Variants in CDH13 observed in about 807,000 individuals in gnomAD.
The protein encoded by CDH13 is cadherin 13.
A neutral mutation model predicts 63.8 loss-of-function variants in CDH13; 24 were observed. That is an observed-to-expected ratio of 0.38 (90% confidence interval 0.27 to 0.53). The LOEUF (loss-of-function observed/expected upper bound fraction) is 0.53, where lower values mean the gene tolerates loss of function less well. CDH13 is among the 20% of genes least tolerant of loss of function. The pLI is 0.85. For synonymous variants in CDH13, 503 were observed against 355.3 expected, an observed-to-expected ratio of 1.42 and a Z score of -4.67; for missense variants, 1,049 against 903.1, an observed-to-expected ratio of 1.16 and a Z score of -2.07.
chr16:83,526,350 C>T (rs1305314963), intron 7 of CDH13, among the ~76,000 whole-genome samples: 1 of 152,168 alleles, frequency 6.6e-6, no homozygotes, highest in Non-Finnish European at 1.5e-5. Flanking sequence ...CACCAGAAAC[C>T]AGTTTCATGG....
chr16:83,287,530 A>T (rs1024291793), intron 5 of CDH13, among the ~76,000 whole-genome samples: 1 of 152,174 alleles, frequency 6.6e-6, no homozygotes, highest in Non-Finnish European at 1.5e-5. Flanking sequence ...TGTGTGTGCA[A>T]GGGATCTAGG....
At chr16:83,608,484 A>G (rs1282375106) in intron 8 of CDH13, among the ~76,000 whole-genome samples, 2 of 151,750 alleles carry the variant, frequency 1.3e-5, no homozygotes, top group Non-Finnish European at 2.9e-5. Context: ...GGGTATTAGC[A>G]TTTTTTGTTT....
intron 5 of CDH13, among the ~76,000 whole-genome samples, chr16:83,288,189 A>G (rs2089370789): frequency 6.6e-6 from 1 of 152,192 alleles, no homozygotes; most frequent in African/African-American, 2.4e-5. Context: ...GAGATGGTGC[A>G]GAAAGCAAGC....
chr16:83,348,275 C>G (rs1597803420), intron 6 of CDH13, among the ~76,000 whole-genome samples: 1 of 152,130 alleles, frequency 6.6e-6, no homozygotes, highest in African/African-American at 2.4e-5. Context: ...CTTTGCAGGC[C>G]CAGCTGGGGG....
chr16:83,094,116 A>G (rs561794985), intron 3 of CDH13, among the ~76,000 whole-genome samples: 36 of 152,214 alleles, frequency 2.4e-4, no homozygotes, highest in Non-Finnish European at 4.6e-4. Flanking sequence ...TGTTGTAACA[A>G]ATAGTTACAA....
chr16:83,097,011 C>T (rs965980166), intron 3 of CDH13, among the ~76,000 whole-genome samples: 2 of 152,012 alleles, frequency 1.3e-5, no homozygotes, highest in Non-Finnish European at 2.9e-5. Context: ...TTGAGTGTAC[C>T]TCTGGAGAAA....
At chr16:83,543,194 A>G (rs576533049) in intron 7 of CDH13, among the ~76,000 whole-genome samples, 91 of 152,360 alleles carry the variant, frequency 6.0e-4, no homozygotes, top group African/African-American at 2.0e-3. Context: ...AAAGACTTCG[A>G]TATTTTCCTG....
rs952665741 is a variant in CDH13, at chr16:83,163,906, ACAT to A, written c.483+38419_483+38421del. Among the ~76,000 whole-genome samples the A allele has an allele frequency of 6.6e-5, 10 of 152,230 alleles. 1 individual carries two copies. Among genetic ancestry groups the A allele is most frequent in the East Asian group, 3.9e-4 (2 of 5,186 alleles). ...AACCAATAAAACCTCGTCGCTGTCAACATCATCATCATCATCGCAATAATAAAA... is the reference window on the plus strand; with the variant it reads ...AACCAATAAAACCTCGTCGCTGTCAACATCATCATCATCGCAATAATAAAA... On this transcript the variant is annotated intron_variant, in intron 4 of 13. Transcript: ENST00000567109.
chr16:83,071,263 C>T (rs1336876565), intron 3 of CDH13, among the ~76,000 whole-genome samples: 4 of 152,152 alleles, frequency 2.6e-5, no homozygotes, highest in African/African-American at 4.8e-5. Flanking sequence ...TAAGCAAAAG[C>T]CTCCTTCAGC....
chr16:83,421,572 T>C (rs1011607568), intron 6 of CDH13, among the ~76,000 whole-genome samples: 3 of 152,228 alleles, frequency 2.0e-5, no homozygotes, highest in Non-Finnish European at 4.4e-5. Context: ...GGAGAGAAGA[T>C]TCATGATCTT....
At chr16:82,876,743 A>C (rs2040519772) in intron 2 of CDH13, among the ~76,000 whole-genome samples, 1 of 152,196 alleles carries the variant, frequency 6.6e-6, no homozygotes, top group Non-Finnish European at 1.5e-5. Flanking sequence ...TCAAGAGCCC[A>C]CTTTGTGGTC....
chr16:83,564,916 TTTGTTGTTGTTG>T (rs144838175), intron 7 of CDH13, among the ~76,000 whole-genome samples: 1 of 152,032 alleles, frequency 6.6e-6, no homozygotes, highest in Non-Finnish European at 1.5e-5. Context: ...TGTTGTTGGT[TTTGTTGTTGTTG>T]TTGTTGTTTT....
chr16:83,294,809 A>T (rs1386988177), intron 5 of CDH13, among the ~76,000 whole-genome samples: 1 of 152,138 alleles, frequency 6.6e-6, no homozygotes, highest in African/African-American at 2.4e-5. Flanking sequence ...TACTACCCAA[A>T]ATGATCCACA....
At chr16:83,421,110 A>G (rs751216136) in intron 6 of CDH13, among the ~76,000 whole-genome samples, 7 of 152,228 alleles carry the variant, frequency 4.6e-5, no homozygotes, top group Non-Finnish European at 8.8e-5. Flanking sequence ...AGATGAGAAC[A>G]AGGGCTACAT....
intron 5 of CDH13, among the ~76,000 whole-genome samples, chr16:83,236,175 T>C (rs913556477): frequency 2.0e-5 from 3 of 151,974 alleles, no homozygotes; most frequent in Non-Finnish European, 4.4e-5. Flanking sequence ...AGAATAACTT[T>C]TCCAAACTAG....
chr16:83,041,198 C>CA (rs903003658), intron 3 of CDH13, among the ~76,000 whole-genome samples: 16 of 151,892 alleles, frequency 1.1e-4, no homozygotes, highest in African/African-American at 3.6e-4. Flanking sequence ...CAATTAAATG[C>CA]AAAAAAATAT....
chr16:82,813,877 T>G (rs1382325369), intron 1 of CDH13, among the ~76,000 whole-genome samples: 1 of 152,222 alleles, frequency 6.6e-6, no homozygotes, highest in Admixed American at 6.5e-5. Flanking sequence ...TTGTGGGACC[T>G]TGAACAAGTC....
chr16:82,737,303 CTCTT>C (rs2033722303), intron 1 of CDH13, among the ~76,000 whole-genome samples: 1 of 152,212 alleles, frequency 6.6e-6, no homozygotes, highest in Non-Finnish European at 1.5e-5. Flanking sequence ...CCATGTCTCT[CTCTT>C]TGCTGCTCTC....
chr16:83,020,805 C>G (rs574738344), intron 2 of CDH13, among the ~76,000 whole-genome samples: 1 of 152,292 alleles, frequency 6.6e-6, no homozygotes, highest in South Asian at 2.1e-4. Context: ...AGAGAGGTAA[C>G]TGGGAAATCA....
Sources: allele counts gnomAD v4.1 joint callset (sites outside exome capture counted in the v4.1 genomes callset), GRCh38; gene constraint gnomAD v4.1.1; transcripts MANE v1.5; gene names NCBI Gene and HGNC (gene_info 2026-07-23, HGNC 2026-07-21).